Variants in NATD1 observed in about 807,000 individuals in gnomAD.
The protein encoded by NATD1 is N-acetyltransferase domain containing 1.
A neutral mutation model predicts 12.0 loss-of-function variants in NATD1; 9 were observed. The observed-to-expected ratio is 0.75, with a 90% CI of 0.45 to 1.30. NATD1 has a LOEUF of 1.30. Among genes scored for constraint, NATD1 ranks in the 50% most tolerant of loss-of-function variants. NATD1 has a pLI of 0.00. For synonymous variants in NATD1, 71 were observed against 65.9 expected (o/e 1.08, Z -0.37); for missense variants, 148 against 148.5 (o/e 1.00, Z 0.02).
intron 1 of NATD1, among the ~76,000 whole-genome samples, chr17:21,248,941 C>T (rs1260194125): frequency 1.3e-5 from 2 of 152,118 alleles, no homozygotes; most frequent in Non-Finnish European, 2.9e-5. Flanking sequence ...ACCCCACCAG[C>T]ATCACGTGAC....
Position 21,242,851 on chromosome 17 carries a change from C to A in NATD1, c.*462G>T, listed in dbSNP as rs1466570541. The A allele has an allele frequency of 6.3e-6, 1 of 157,808 alleles. No homozygotes were observed. The highest frequency in any genetic ancestry group is 1.4e-5 in the Non-Finnish European group (1 of 71,078). 9.8% of individuals were successfully genotyped at this position (157,808 alleles called of 1,614,324 possible). ...GGGCAGCACCGCTGGCAGGTGGGGT[C>A]TGGCACTGCCACCCTCAGAAGCTGG... On this transcript the variant is annotated 3_prime_UTR_variant, in exon 3 of 3. Transcript: ENST00000611551.
At position 21,245,409 on chromosome 17, in the gene NATD1, T is replaced by A. The variant is rs182885263; in HGVS notation, c.107-1185A>T. ...GTTTTAACTTCAAAGCCCCAGAAAA[T>A]CTGCCCTTAAAGCCTGTGCTGGGCA... On this transcript the variant is annotated intron_variant, in intron 1 of 2. Coordinates refer to ENST00000611551, the MANE Select transcript of NATD1 (RefSeq NM_152914.3). Among the ~76,000 whole-genome samples, 7 of 152,204 alleles carry A rather than the reference T, an allele frequency of 4.6e-5. No individual in the cohort carries two copies. The East Asian group carries it at 1.4e-3, about 29-fold the overall frequency.
chr17:21,253,046 G>A (rs1975393190), intron 1 of NATD1, 113 bp downstream of exon 1: 1 of 452,718 alleles, frequency 2.2e-6, no homozygotes, highest in Non-Finnish European at 2.9e-6. Flanking sequence ...CCCGGGCGGC[G>A]GGCCGGAGCC....
At chr17:21,252,953 A>G (rs924095700) in intron 1 of NATD1, among the ~76,000 whole-genome samples, 1 of 149,358 alleles carries the variant, frequency 6.7e-6, no homozygotes, top group African/African-American at 2.5e-5. Context: ...CCGCGCCCCC[A>G]CCTGGCCCCG....
In NATD1 at chr17:21,241,225, G is replaced by A. The variant is rs1307444106; in HGVS notation, c.*2088C>T. 1 of 152,338 alleles carries A rather than the reference G, an allele frequency of 6.6e-6. No homozygotes were observed. Among genetic ancestry groups the A allele is most frequent in the African/African-American group, 2.4e-5 (1 of 41,462 alleles). 9.4% of individuals were successfully genotyped at this position (152,338 alleles called of 1,614,324 possible). ...ATGCTGGCCCTCAGGGGCTTCCTGT[G>A]GGGGACTCTTTGTGCTGTCACTGCA... On this transcript the variant is annotated 3_prime_UTR_variant, in exon 3 of 3. Coordinates refer to ENST00000611551, the MANE Select transcript of NATD1 (RefSeq NM_152914.3).
intron 1 of NATD1, among the ~76,000 whole-genome samples, chr17:21,247,977 G>C (rs1175566545): frequency 1.3e-5 from 2 of 152,170 alleles, no homozygotes; most frequent in Non-Finnish European, 2.9e-5. Flanking sequence ...GTATGGAGTT[G>C]ACTGGGGATA....
In NATD1 at chr17:21,243,238, C is replaced by A. The variant is rs188638411; in HGVS notation, c.*75G>T. 4.1e-5 allele frequency: 49 copies of A among 1,184,052 alleles called. No homozygotes were observed. In the East Asian group the frequency reaches 1.1e-3, roughly 27 times the overall value. 73.3% of individuals were successfully genotyped at this position (1,184,052 alleles called of 1,614,324 possible). ...AGTCTGTTCCCAGTGGGACCAGGTT[C>A]CTGAGAGCACGTGGGGCCAGGCAAA... On this transcript the variant is annotated 3_prime_UTR_variant, in exon 3 of 3. Transcript: ENST00000611551.
chr17:21,244,281 C>T lies in NATD1; in HGVS notation c.107-57G>A, dbSNP rs142653454. On this transcript the variant is annotated intron_variant, in intron 1 of 2. Transcript: ENST00000611551. This position sits in a 1 kb window ranked among gnomAD's most constrained non-coding sequence, Gnocchi z 5.2. ...TGACTCCCATCCCAGCGGACTCAGG[C>T]ACCAAGACGGGTGGAGGGACAGGCA... The T allele has an allele frequency of 4.8e-3, 7,236 of 1,492,698 alleles. 25 individuals carry two copies. The highest frequency in any genetic ancestry group is 5.9e-3 in the Non-Finnish European group (6,451 of 1,089,904). 92.5% of individuals were successfully genotyped at this position (1,492,698 alleles called of 1,614,324 possible). A position where few individuals can be genotyped will look rare whatever the true frequency, so the allele number is the denominator to read the frequency against.
intron 1 of NATD1, among the ~76,000 whole-genome samples, chr17:21,250,348 G>A (rs1393842900): frequency 1.3e-5 from 2 of 152,158 alleles, no homozygotes; most frequent in African/African-American, 2.4e-5. Flanking sequence ...ACCCTCCAGG[G>A]AGGGGCCTTC....
chr17:21,251,138 G>C (rs1229805214), intron 1 of NATD1, among the ~76,000 whole-genome samples: 1 of 152,106 alleles, frequency 6.6e-6, no homozygotes, highest in Admixed American at 6.5e-5. Flanking sequence ...GGGCTTGGCT[G>C]GGGAGATGCC....
At position 21,243,415 on chromosome 17, in the gene NATD1, G is replaced by A. The variant is rs779493539; in HGVS notation, c.240C>T (p.Phe80=). ...AKHLAKAALD[F]VVEEDLKAHL... The stretch of plus-strand genomic sequence containing the variant: ...GGGCCTTCAGGTCCTCCTCCACCAC[G>A]AAGTCCAGGGCGGCCTGGGAGCCGG... The change falls in exon 3 of 3, where the codon TTC becomes TTT. Residue 80 remains phenylalanine, a synonymous_variant. Transcript: ENST00000611551. 4.3e-6 allele frequency: 7 copies of A among 1,612,864 alleles called. No homozygotes were observed. Among genetic ancestry groups the A allele is most frequent in the Middle Eastern group, 3.3e-4 (2 of 6,078 alleles).
At chr17:21,248,407 G>A (rs1371913695) in intron 1 of NATD1, among the ~76,000 whole-genome samples, 3 of 152,192 alleles carry the variant, frequency 2.0e-5, no homozygotes, top group African/African-American at 7.2e-5. Context: ...CGTGGACATG[G>A]CTTTCTAAAC....
In NATD1 at chr17:21,253,145, CG is replaced by C. The variant is rs1424066895; in HGVS notation, c.106+13del. ...TCGCAGACAAAAGGTCGGGGCGGGC[CG>C]GGGCCGCCTTACCGTTGAGCCGGAC... On this transcript the variant is annotated intron_variant, in intron 1 of 2. Coordinates refer to ENST00000611551, the MANE Select transcript of NATD1 (RefSeq NM_152914.3). The C allele has an allele frequency of 2.0e-6, 2 of 1,013,962 alleles. No homozygotes were observed. The highest frequency in any genetic ancestry group is 2.4e-6 in the Non-Finnish European group (2 of 849,592). 62.8% of individuals were successfully genotyped at this position (1,013,962 alleles called of 1,614,324 possible). A position where few individuals can be genotyped will look rare whatever the true frequency, so the allele number is the denominator to read the frequency against.
At chr17:21,247,886 C>T (rs984751303) in intron 1 of NATD1, among the ~76,000 whole-genome samples, 7 of 152,138 alleles carry the variant, frequency 4.6e-5, no homozygotes, top group African/African-American at 1.7e-4. Flanking sequence ...CCTGCTGTCC[C>T]GTCATGGGTG....
intron 1 of NATD1, among the ~76,000 whole-genome samples, chr17:21,252,427 T>TG (rs1975385510): frequency 6.6e-6 from 1 of 152,202 alleles, no homozygotes; most frequent in African/African-American, 2.4e-5. Context: ...GGTCTGATCC[T>TG]TTACATTTGT....
chr17:21,245,597 G>A (rs1004200435), intron 1 of NATD1, among the ~76,000 whole-genome samples: 5 of 152,102 alleles, frequency 3.3e-5, no homozygotes, highest in Non-Finnish European at 7.4e-5. Flanking sequence ...ATTTCCAGAT[G>A]AGGAACTACT....
Position 21,244,711 on chromosome 17 carries a change from C to T in NATD1, c.107-487G>A, listed in dbSNP as rs186204901. Among the ~76,000 whole-genome samples, 561 of 152,312 alleles carry T rather than the reference C, an allele frequency of 3.7e-3. 4 individuals are homozygous for T. The highest frequency in any genetic ancestry group is 0.013 in the African/African-American group (544 of 41,556). On this transcript the variant is annotated intron_variant, in intron 1 of 2. Coordinates refer to ENST00000611551, the MANE Select transcript of NATD1 (RefSeq NM_152914.3). The surrounding 1 kb of genome is among the most constrained non-coding windows in gnomAD (Gnocchi z 5.2). ...ACCACCTGCTGGACCCTGAGAGAGACGCAGCAGGAAAGATCAGAGGCCTGT... is the reference window on the plus strand; with the variant it reads ...ACCACCTGCTGGACCCTGAGAGAGATGCAGCAGGAAAGATCAGAGGCCTGT...
intron 1 of NATD1, among the ~76,000 whole-genome samples, chr17:21,251,341 G>A (rs12951372): frequency 0.24 from 35,398 of 150,308 alleles, 4,394 homozygotes; most frequent in African/African-American, 0.28. Context: ...TTCTGTCTCT[G>A]AGTATAATGG....
intron 1 of NATD1, among the ~76,000 whole-genome samples, chr17:21,247,531 C>T (rs1205716942): frequency 2.0e-5 from 3 of 152,188 alleles, no homozygotes; most frequent in East Asian, 1.9e-4. Flanking sequence ...ATGGGGAAAC[C>T]GAGGCCCAGG....
Sources: allele counts gnomAD v4.1 joint callset (sites outside exome capture counted in the v4.1 genomes callset), GRCh38; gene constraint gnomAD v4.1.1; non-coding constraint Gnocchi (gnomAD v3.1); transcripts MANE v1.5; gene names NCBI Gene and HGNC (gene_info 2026-07-23, HGNC 2026-07-21).